THAP6: variants seen among roughly 807,000 people sequenced by gnomAD.
The protein encoded by THAP6 is THAP domain-containing protein 6.
In THAP6, 13 loss-of-function variants were observed where a neutral mutation model predicts 20.0. That is an observed-to-expected ratio of 0.65 (90% CI 0.42 to 1.03). The LOEUF is 1.03. Ranked by LOEUF, THAP6 falls within the 50% of genes least tolerant of loss-of-function variation. The pLI, the probability that THAP6 is intolerant of heterozygous loss-of-function variation, is 0.00. For synonymous variants in THAP6, 93 were observed against 92.2 expected (o/e 1.01, Z -0.05); for missense variants, 262 against 261.6 (o/e 1.00, Z -0.01).
chr4:75,542,137 A>C (rs577558528), intron 2 of THAP6, among the ~76,000 whole-genome samples: 2 of 152,142 alleles, frequency 1.3e-5, no homozygotes, highest in South Asian at 2.1e-4. Context: ...TGCCAGCCCA[A>C]CTATTTGAGA....
At chr4:75,531,713 AAGG>A (rs1331427573), downstream of THAP6, among the ~76,000 whole-genome samples, 1 of 152,170 alleles carries the variant, frequency 6.6e-6, no homozygotes, top group African/African-American at 2.4e-5. Context: ...GGCAGAAGGC[AAGG>A]AGGAGCAAGT....
At chr4:75,538,715 C>T (rs1578282279) in intron 2 of THAP6, among the ~76,000 whole-genome samples, 2 of 152,180 alleles carry the variant, frequency 1.3e-5, no homozygotes, top group Non-Finnish European at 2.9e-5. Context: ...TGTCACAGCT[C>T]CCTTTGGAGA....
Position 75,527,084 on chromosome 4 carries a change from A to G in THAP6, c.539A>G (p.Gln180Arg), listed in dbSNP as rs776485319. 1 of 1,614,188 alleles carries G rather than the reference A, an allele frequency of 6.2e-7. No homozygotes were observed. The highest frequency in any genetic ancestry group is 8.5e-7 in the Non-Finnish European group (1 of 1,180,008). Reference protein sequence around the residue: ...RNVLDREKRFQKSLRKTIREL... With the variant: ...RNVLDREKRFRKSLRKTIREL... The stretch of plus-strand genomic sequence containing the variant: ...GTTTTAGACCGAGAAAAACGTTTTC[A>G]GAAATCATTGAGGAAGACAATCAGG... The change falls in exon 5 of 5, where the codon CAG (glutamine) becomes CGG (arginine). Residue 180 changes from glutamine (Q) to arginine (R), a missense_variant. Transcript: ENST00000311638.
chr4:75,526,136 G>A (rs1726351655), intron 4 of THAP6, among the ~76,000 whole-genome samples: 1 of 152,222 alleles, frequency 6.6e-6, no homozygotes, highest in Admixed American at 6.5e-5. Flanking sequence ...CTCTCAGGCA[G>A]TTAGCTGGAG....
At chr4:75,545,202 G>A (rs142019945) in intron 3 of THAP6, among the ~76,000 whole-genome samples, 1 of 152,192 alleles carries the variant, frequency 6.6e-6, no homozygotes, top group Non-Finnish European at 1.5e-5. Context: ...CCAAGGTCCT[G>A]CAGCTAAACA....
intron 3 of THAP6, among the ~76,000 whole-genome samples, chr4:75,545,631 C>T (rs1727109143): frequency 6.6e-6 from 1 of 152,144 alleles, no homozygotes; most frequent in South Asian, 2.1e-4. Context: ...CAGGGGTGCC[C>T]ACCACTCCCC....
intron 2 of THAP6, among the ~76,000 whole-genome samples, chr4:75,537,805 G>C (rs939820434): frequency 3.9e-5 from 6 of 152,186 alleles, no homozygotes; most frequent in Non-Finnish European, 7.3e-5. Context: ...TGGAAGCAAA[G>C]GTTGTGGTAA....
At chr4:75,536,581 G>A (rs189952632) in intron 2 of THAP6, among the ~76,000 whole-genome samples, 1 of 152,308 alleles carries the variant, frequency 6.6e-6, no homozygotes, top group African/African-American at 2.4e-5. Flanking sequence ...GACTGGTGCA[G>A]TGGCATGATC....
intron 3 of THAP6, among the ~76,000 whole-genome samples, chr4:75,519,161 T>C (rs1725849752): frequency 6.6e-6 from 1 of 152,202 alleles, no homozygotes; most frequent in Non-Finnish European, 1.5e-5. Context: ...CAACATCTTG[T>C]ATGATTCATC....
downstream of THAP6, among the ~76,000 whole-genome samples, chr4:75,535,005 G>A (rs1726810593): frequency 6.6e-6 from 1 of 152,142 alleles, no homozygotes; most frequent in African/African-American, 2.4e-5. Context: ...GATTCCTCAG[G>A]GATCTAGAAC....
chr4:75,539,885 G>C, intron 2 of THAP6: 1 of 1,536,026 alleles, frequency 6.5e-7, no homozygotes, highest in Non-Finnish European at 8.7e-7. Context: ...AACAAGAACA[G>C]GAAGAAGAAC....
intron 3 of THAP6, 37 bp downstream of exon 3, chr4:75,517,016 CTTTTTTT>C: frequency 1.5e-5 from 14 of 903,654 alleles, no homozygotes; most frequent in Non-Finnish European, 1.7e-5. Context: ...TCATTGCTCA[CTTTTTTT>C]TTTTTTTTTT....
chr4:75,522,686 T>C (rs1049418700), intron 4 of THAP6: 1 of 152,202 alleles, frequency 6.6e-6, no homozygotes, highest in African/African-American at 2.4e-5. Context: ...AGTGAGAATA[T>C]GTAATGTTTG....
At position 75,527,263 on chromosome 4, in the gene THAP6, T is replaced by G. The variant is rs765671993; in HGVS notation, c.*49T>G. The G allele has an allele frequency of 6.4e-7, 1 of 1,569,528 alleles. No individual in the cohort carries two copies. The highest frequency in any genetic ancestry group is 8.6e-7 in the Non-Finnish European group (1 of 1,158,372). On this transcript the variant is annotated 3_prime_UTR_variant, in exon 5 of 5. Transcript: ENST00000311638. ...CTAAAATTGTCATTGGTACAAATTT[T>G]TATAAAATCTCATTTACCATCACTA...
rs1422317498 is a variant in THAP6, at chr4:75,529,858, T to C, written c.*2644T>C. ...AGTTTAAATTTCTGGAAATAGACTT[T>C]GGTTGCTAATGACAATTACAGTTAT... On this transcript the variant is annotated 3_prime_UTR_variant, in exon 5 of 5. Coordinates refer to ENST00000311638, the MANE Select transcript of THAP6 (RefSeq NM_144721.6). 1.0e-6 allele frequency: 1 copy of C among 985,032 alleles called. No individual in the cohort carries two copies. Among genetic ancestry groups the C allele is most frequent in the Non-Finnish European group, 1.2e-6 (1 of 829,686 alleles). 61.0% of individuals were successfully genotyped at this position (985,032 alleles called of 1,614,324 possible).
At position 75,514,645 on chromosome 4, in the gene THAP6, C is replaced by T. The variant is rs1042938504; in HGVS notation, c.-21+125C>T. On this transcript the variant is annotated intron_variant, in intron 1 of 4. Transcript: ENST00000311638. ...GGTTGGCCCCAGAGGAAAGGACGCTCACTGGGCGCATCGTTACCTGTGACG... is the reference window on the plus strand; with the variant it reads ...GGTTGGCCCCAGAGGAAAGGACGCTTACTGGGCGCATCGTTACCTGTGACG... 16 of 200,996 alleles carry T rather than the reference C, an allele frequency of 8.0e-5. No homozygotes were observed. In the East Asian group the frequency reaches 1.8e-3, roughly 22 times the overall value. The allele number at this position is 200,996 out of a possible 1,614,324, so 12.5% of individuals were successfully genotyped here.
chr4:75,535,951 A>G (rs1726840537), intron 2 of THAP6, among the ~76,000 whole-genome samples: 1 of 152,210 alleles, frequency 6.6e-6, no homozygotes, highest in East Asian at 1.9e-4. Context: ...TACCCTTAAC[A>G]TCTCTCAGAT....
intron 3 of THAP6, 21 bp from the exon 4 acceptor site, chr4:75,521,715 A>G: frequency 7.0e-6 from 11 of 1,577,936 alleles, no homozygotes; most frequent in Non-Finnish European, 9.5e-6. Context: ...CTTGATGATT[A>G]TTATTAACTA....
chr4:75,546,933 T>G (rs1727139393), intron 3 of THAP6, among the ~76,000 whole-genome samples: 1 of 152,184 alleles, frequency 6.6e-6, no homozygotes, highest in South Asian at 2.1e-4. Context: ...ATCTGGGTAC[T>G]AAAGCCCAGC....
Sources: allele counts gnomAD v4.1 joint callset (sites outside exome capture counted in the v4.1 genomes callset), GRCh38; gene constraint gnomAD v4.1.1; transcripts MANE v1.5; gene names NCBI Gene and HGNC (gene_info 2026-07-23, HGNC 2026-07-21).